Variants in ERH observed in about 807,000 individuals in gnomAD.
ERH encodes the protein enhancer of rudimentary homolog.
Under a neutral mutation model 16.8 loss-of-function variants are expected in ERH, and 1 was observed. The ratio of observed to expected loss-of-function variants is 0.06; its 90% CI spans 0.02 to 0.28. The LOEUF (loss-of-function observed/expected upper bound fraction) is 0.28, where lower values mean the gene tolerates loss of function less well. ERH is among the 10% of genes least tolerant of loss of function. ERH has a pLI of 1.00. For missense variants in ERH, 42 were observed against 127.5 expected, an observed-to-expected ratio of 0.33 and a Z score of 3.23; for synonymous variants, 43 against 43.6, an observed-to-expected ratio of 0.99 and a Z score of 0.05.
intron 2 of ERH, among the ~76,000 whole-genome samples, chr14:69,392,209 GAAAAA>G (rs150769493): frequency 3.1e-5 from 4 of 131,134 alleles, no homozygotes; most frequent in African/African-American, 1.1e-4. Context: ...TTTACTACAA[GAAAAA>G]AAAAAAAAGA....
Position 69,395,585 on chromosome 14 carries a change from G to C in ERH, c.4-673C>G, listed in dbSNP as rs1429537111. On this transcript the variant is annotated intron_variant, in intron 1 of 3. Coordinates refer to ENST00000557016, the MANE Select transcript of ERH (RefSeq NM_004450.3). ...CTAATAAAAACTCAGATGGGCTGAT[G>C]AAAGGAAACAAAAGGGGAAATAGTA... is the stretch of plus-strand genomic sequence containing the variant. 1.3e-5 allele frequency among the ~76,000 whole-genome samples: 2 copies of C among 152,174 alleles called. 1 individual carries two copies. Among genetic ancestry groups the C allele is most frequent in the African/African-American group, 4.8e-5 (2 of 41,450 alleles).
At chr14:69,389,412 C>T (rs2045911313) in intron 2 of ERH, among the ~76,000 whole-genome samples, 1 of 152,046 alleles carries the variant, frequency 6.6e-6, no homozygotes, top group South Asian at 2.1e-4. Flanking sequence ...TACTTGTATT[C>T]AACATTGTAC....
intron 3 of ERH, among the ~76,000 whole-genome samples, chr14:69,381,977 C>T (rs1566898855): frequency 6.6e-6 from 1 of 152,224 alleles, no homozygotes; most frequent in East Asian, 1.9e-4. Context: ...AGGCGTGAGC[C>T]ACCGCACCTG....
intron 1 of ERH, among the ~76,000 whole-genome samples, chr14:69,395,378 C>A (rs1274792786): frequency 6.6e-6 from 1 of 152,192 alleles, no homozygotes; most frequent in Non-Finnish European, 1.5e-5. Flanking sequence ...GCTGGATTCA[C>A]AACTCTGCTG....
intron 3 of ERH, among the ~76,000 whole-genome samples, chr14:69,384,741 TA>T (rs1247724915): frequency 6.6e-6 from 1 of 152,218 alleles, no homozygotes; most frequent in African/African-American, 2.4e-5. Context: ...ATATAACCAA[TA>T]TTTACTCAGC....
chr14:69,396,998 A>G (rs894097193), intron 1 of ERH, among the ~76,000 whole-genome samples: 1 of 152,210 alleles, frequency 6.6e-6, no homozygotes, highest in African/African-American at 2.4e-5. Flanking sequence ...CTACTATAAT[A>G]ATTGTATTCC....
chr14:69,385,404 T>C (rs532993889), intron 3 of ERH, among the ~76,000 whole-genome samples: 9 of 152,156 alleles, frequency 5.9e-5, no homozygotes, highest in Non-Finnish European at 1.0e-4. Flanking sequence ...GCTCCTTATC[T>C]TTCTGAGATA....
chr14:69,380,362 A>T lies in ERH; in HGVS notation c.*176T>A. The T allele has an allele frequency of 2.3e-6, 1 of 425,974 alleles. No individual in the cohort carries two copies. The highest frequency in any genetic ancestry group is 4.0e-5 in the Admixed American group (1 of 24,798). The allele number at this position is 425,974 out of a possible 1,614,324, so 26.4% of individuals were successfully genotyped here. ...AAAAAGAAAGAGAAAGAAAAAGAGG[A>T]GGTAACGGGGGTTTCCGATTGAACA... On this transcript the variant is annotated 3_prime_UTR_variant, in exon 4 of 4. Coordinates refer to ENST00000557016, the MANE Select transcript of ERH (RefSeq NM_004450.3).
At chr14:69,384,761 T>C (rs1288930891) in intron 3 of ERH, among the ~76,000 whole-genome samples, 1 of 152,220 alleles carries the variant, frequency 6.6e-6, no homozygotes, top group Non-Finnish European at 1.5e-5. Flanking sequence ...GCACTAATTA[T>C]GTACCAGAGA....
chr14:69,384,830 A>G (rs2045881906), intron 3 of ERH, among the ~76,000 whole-genome samples: 1 of 152,198 alleles, frequency 6.6e-6, no homozygotes, highest in Non-Finnish European at 1.5e-5. Flanking sequence ...TAATATACAC[A>G]TTATTGGTAA....
At chr14:69,380,703 C>T in intron 3 of ERH, 63 bp from the exon 4 acceptor site, 19 of 920,166 alleles carry the variant, frequency 2.1e-5, no homozygotes, top group Non-Finnish European at 3.4e-5. Flanking sequence ...GTTTAAATCC[C>T]CAAATTATAA....
At chr14:69,394,744 T>TC in intron 2 of ERH, 81 bp downstream of exon 2, 1 of 973,214 alleles carries the variant, frequency 1.0e-6, no homozygotes, top group South Asian at 1.5e-5. Flanking sequence ...GGATGGACTA[T>TC]TAAAAAAAAA....
chr14:69,395,284 C>T (rs1010059515), intron 1 of ERH, among the ~76,000 whole-genome samples: 1 of 152,004 alleles, frequency 6.6e-6, no homozygotes, highest in Admixed American at 6.6e-5. Context: ...GAGAGTGAGG[C>T]CCTATCTCTT....
intron 3 of ERH, among the ~76,000 whole-genome samples, chr14:69,385,609 T>C (rs2045887001): frequency 6.6e-6 from 1 of 151,026 alleles, no homozygotes; most frequent in Non-Finnish European, 1.5e-5. Flanking sequence ...TACAACCCCA[T>C]TTTTCTGTTC....
chr14:69,394,849 C>G lies in ERH; in HGVS notation c.67G>C (p.Glu23Gln). The G allele has an allele frequency of 6.2e-7, 1 of 1,613,464 alleles. No individual in the cohort carries two copies. Among genetic ancestry groups the G allele is most frequent in the Non-Finnish European group, 8.5e-7 (1 of 1,179,518 alleles). Residue 23 changes from glutamate to glutamine, a missense_variant, in exon 2 of 4, where the codon GAA (glutamate) becomes CAA (glutamine). Physicochemically the swap from Glu to Gln is conservative, Grantham distance 29. Transcript: ENST00000557016. The part of the protein sequence containing the change: ...RPEGRTYADY[E>Q]SVNECMEGVC... ...CCTTCCATGCATTCATTCACAGATT[C>G]GTAGTCAGCATAAGTTCTGCCTTCT...
chr14:69,380,534 A>T lies in ERH; in HGVS notation c.*4T>A. 6.9e-7 allele frequency: 1 copy of T among 1,448,104 alleles called. No homozygotes were observed. Among genetic ancestry groups the T allele is most frequent in the Non-Finnish European group, 9.7e-7 (1 of 1,032,882 alleles). 89.7% of individuals were successfully genotyped at this position (1,448,104 alleles called of 1,614,324 possible). ...CCCCAACCCCCCCAGTGCTTCCAAC[A>T]CAATTATTTCCCAGCCTGTTGGGCC... is the stretch of plus-strand genomic sequence containing the variant. On this transcript the variant is annotated 3_prime_UTR_variant, in exon 4 of 4. Coordinates refer to ENST00000557016, the MANE Select transcript of ERH (RefSeq NM_004450.3).
At chr14:69,392,293 TG>T (rs1374145196) in intron 2 of ERH, among the ~76,000 whole-genome samples, 1 of 152,192 alleles carries the variant, frequency 6.6e-6, no homozygotes, top group African/African-American at 2.4e-5. Flanking sequence ...AACATTTTTT[TG>T]TTTTAGTTTT....
At position 69,387,493 on chromosome 14, in the gene ERH, G is replaced by A. The variant is rs115312488; in HGVS notation, c.92-410C>T. Among the ~76,000 whole-genome samples, 482 of 152,266 alleles carry A rather than the reference G, an allele frequency of 3.2e-3. 4 individuals are homozygous for A. Among genetic ancestry groups the A allele is most frequent in the African/African-American group, 0.011 (463 of 41,532 alleles). ...GAGAATCACTTGGCTGCAGTGAGCC[G>A]TGATTGCATCACTGCACTCCAGTCT... On this transcript the variant is annotated intron_variant, in intron 2 of 3. Transcript: ENST00000557016.
At chr14:69,393,522 G>C (rs897147213) in intron 2 of ERH, among the ~76,000 whole-genome samples, 15 of 152,198 alleles carry the variant, frequency 9.9e-5, no homozygotes, top group African/African-American at 3.4e-4. Context: ...CAGCAACATG[G>C]ATGGAATTGG....
Sources: gnomAD v4.1 joint callset for allele counts (sites outside exome capture counted in the v4.1 genomes callset) on GRCh38, gnomAD v4.1.1 for gene constraint, MANE v1.5 for transcripts, NCBI Gene and HGNC (gene_info 2026-07-23, HGNC 2026-07-21) for gene names.